Variants in SLC35F4 observed in about 807,000 individuals in gnomAD.
SLC35F4 encodes chromosome 14 open reading frame 36.
SLC35F4 carries 24 observed loss-of-function variants against 44.2 expected under a neutral mutation model. The observed-to-expected ratio is 0.54, with a 90% confidence interval of 0.39 to 0.76. SLC35F4 has a LOEUF of 0.76. Ranked by LOEUF, SLC35F4 falls within the 30% of genes least tolerant of loss-of-function variation. The probability of loss-of-function intolerance (pLI) is 0.00; values close to 1 mark genes in which losing one functional copy is unlikely to be tolerated. For synonymous variants in SLC35F4, 238 were observed against 223.6 expected (o/e 1.06, Z -0.57); for missense variants, 562 against 586.1 (o/e 0.96, Z 0.42).
At chr14:57,568,245 T>G (rs1483831517) in intron 6 of SLC35F4, among the ~76,000 whole-genome samples, 7 of 151,468 alleles carry the variant, frequency 4.6e-5, no homozygotes, top group Admixed American at 4.6e-4. Flanking sequence ...AATGCCAGTG[T>G]TCAGCTAGCA....
At chr14:57,702,666 A>C (rs765851413) in intron 1 of SLC35F4, among the ~76,000 whole-genome samples, 1 of 152,190 alleles carries the variant, frequency 6.6e-6, no homozygotes, top group African/African-American at 2.4e-5. Context: ...AGACTAAGAG[A>C]GATTTCAAAA....
intron 1 of SLC35F4, among the ~76,000 whole-genome samples, chr14:57,874,331 C>T (rs1888353742): frequency 6.6e-6 from 1 of 152,188 alleles, no homozygotes; most frequent in Non-Finnish European, 1.5e-5. Flanking sequence ...GCATTTTGTT[C>T]ACCAAGGTAT....
chr14:57,750,456 A>G (rs1594956815), intron 1 of SLC35F4, among the ~76,000 whole-genome samples: 1 of 152,066 alleles, frequency 6.6e-6, no homozygotes, highest in African/African-American at 2.4e-5. Flanking sequence ...AAATCTTCAT[A>G]CTGTTTTCTA....
intron 1 of SLC35F4, among the ~76,000 whole-genome samples, chr14:57,617,293 GCTAA>G (rs1466530486): frequency 3.3e-5 from 5 of 151,594 alleles, no homozygotes; most frequent in South Asian, 2.1e-4. Context: ...ACCACATTCG[GCTAA>G]CTTTTTATAT....
chr14:57,823,236 C>T (rs77187419), intron 1 of SLC35F4, among the ~76,000 whole-genome samples: 1 of 152,142 alleles, frequency 6.6e-6, no homozygotes, highest in African/African-American at 2.4e-5. Flanking sequence ...GCTTCCTAGT[C>T]CCTTTTCTCT....
chr14:57,590,131 T>C (rs191373164), intron 2 of SLC35F4, among the ~76,000 whole-genome samples: 63 of 150,070 alleles, frequency 4.2e-4, no homozygotes, highest in Non-Finnish European at 7.8e-4. Flanking sequence ...GACTCAGGCC[T>C]GTCATCTCAG....
intron 1 of SLC35F4, among the ~76,000 whole-genome samples, chr14:57,611,573 T>C (rs2071502621): frequency 7.9e-6 from 1 of 125,940 alleles, no homozygotes; most frequent in African/African-American, 2.9e-5. Flanking sequence ...TGAGAGAATC[T>C]AAGAGAAGAG....
At chr14:57,765,171 C>G (rs1313674269) in intron 1 of SLC35F4, among the ~76,000 whole-genome samples, 1 of 152,144 alleles carries the variant, frequency 6.6e-6, no homozygotes, top group Non-Finnish European at 1.5e-5. Flanking sequence ...TAGGAAAATA[C>G]AGATTTGGGA....
intron 1 of SLC35F4, among the ~76,000 whole-genome samples, chr14:57,624,742 C>T (rs1376324417): frequency 6.6e-6 from 1 of 152,078 alleles, no homozygotes; most frequent in Admixed American, 6.6e-5. Context: ...AGGCCTTCAA[C>T]AAAATTCAAC....
At chr14:57,603,775 G>A (rs2070982585) in intron 1 of SLC35F4, among the ~76,000 whole-genome samples, 1 of 152,136 alleles carries the variant, frequency 6.6e-6, no homozygotes, top group African/African-American at 2.4e-5. Flanking sequence ...TTGCTTAACA[G>A]CCCTAGGGTA....
chr14:57,962,446 G>C (rs138933824), intron 1 of SLC35F4, among the ~76,000 whole-genome samples: 226 of 152,256 alleles, frequency 1.5e-3, no homozygotes, highest in Non-Finnish European at 2.1e-3. Context: ...CTGCGGCGCA[G>C]ATTCTCGGCC....
At chr14:57,810,654 T>A (rs1487302508) in intron 1 of SLC35F4, among the ~76,000 whole-genome samples, 1 of 152,246 alleles carries the variant, frequency 6.6e-6, no homozygotes, top group Non-Finnish European at 1.5e-5. Context: ...TAGTAAGCTG[T>A]ATAGCCCCTT....
chr14:57,720,747 C>G (rs930997666), intron 1 of SLC35F4, among the ~76,000 whole-genome samples: 1 of 151,776 alleles, frequency 6.6e-6, no homozygotes, highest in African/African-American at 2.4e-5. Context: ...TGGATGGGTA[C>G]CATCTAATCA....
At chr14:57,665,581 A>G in intron 1 of SLC35F4, among the ~76,000 whole-genome samples, 1 of 152,186 alleles carries the variant, frequency 6.6e-6, no homozygotes. Context: ...TACTAAATGT[A>G]TTTCTTCAAA....
At chr14:57,675,257 T>C (rs61429938) in intron 1 of SLC35F4, among the ~76,000 whole-genome samples, 22,167 of 152,034 alleles carry the variant, frequency 0.15, 1,877 homozygotes, top group East Asian at 0.29. Flanking sequence ...GTAAATTTTA[T>C]ATCACACAAA....
At position 57,677,293 on chromosome 14, in the gene SLC35F4, C is replaced by T. The variant is rs897498350; in HGVS notation, c.104-83169G>A. ...GAATGGGGAAAGAGATAAAAGACTA[C>T]ATATTAGGTACAGGGTAAACTACTT... On this transcript the variant is annotated intron_variant, in intron 1 of 7. Coordinates refer to ENST00000556826, the MANE Select transcript of SLC35F4 (RefSeq NM_001306087.2). 2.6e-5 allele frequency among the ~76,000 whole-genome samples: 4 copies of T among 151,824 alleles called. 1 individual carries two copies. Among genetic ancestry groups the T allele is most frequent in the African/African-American group, 9.7e-5 (4 of 41,244 alleles).
intron 1 of SLC35F4, among the ~76,000 whole-genome samples, chr14:57,858,335 G>C (rs1012491019): frequency 6.6e-6 from 1 of 152,012 alleles, no homozygotes; most frequent in Non-Finnish European, 1.5e-5. Context: ...ATACACCATG[G>C]AATACTATGA....
chr14:57,874,861 CGAT>C (rs1239771354), intron 1 of SLC35F4, among the ~76,000 whole-genome samples: 1 of 152,076 alleles, frequency 6.6e-6, no homozygotes, highest in Non-Finnish European at 1.5e-5. Flanking sequence ...AAATCCAAGA[CGAT>C]GTCTATTTTC....
chr14:57,973,721 T>C (rs986598493), downstream of SLC35F4, among the ~76,000 whole-genome samples: 2 of 152,006 alleles, frequency 1.3e-5, no homozygotes, highest in African/African-American at 2.4e-5. Context: ...GGGATTGGAG[T>C]GTTTCATGGC....
Sources: allele counts gnomAD v4.1 joint callset (sites outside exome capture counted in the v4.1 genomes callset), GRCh38; gene constraint gnomAD v4.1.1; transcripts MANE v1.5; gene names NCBI Gene and HGNC (gene_info 2026-07-23, HGNC 2026-07-21).